The following TBC1D5 variants were observed in gnomAD, a reference collection of about 807,000 sequenced individuals.
The protein encoded by TBC1D5 is TBC1 domain family, member 5.
Under a neutral mutation model 100.3 loss-of-function variants are expected in TBC1D5, and 75 were observed. That is an observed-to-expected ratio of 0.75 (90% CI 0.62 to 0.91). TBC1D5 has a LOEUF of 0.91. Ranked by LOEUF, TBC1D5 falls within the 40% of genes least tolerant of loss-of-function variation. The probability of loss-of-function intolerance (pLI) is 0.00; values close to 1 mark genes in which losing one functional copy is unlikely to be tolerated. For synonymous variants in TBC1D5, 323 were observed against 325.6 expected (o/e 0.99, Z 0.09); for missense variants, 910 against 942.4 (o/e 0.97, Z 0.45).
chr3:17,163,898 C>T (rs73819653), intron 21 of TBC1D5, among the ~76,000 whole-genome samples: 50 of 152,108 alleles, frequency 3.3e-4, no homozygotes, highest in African/African-American at 1.0e-3. Flanking sequence ...AGACAATATG[C>T]GGATTAAAAC....
At chr3:17,406,481 T>G in exon 5 of TBC1D5, 4 of 1,612,216 alleles carry the variant, frequency 2.5e-6, no homozygotes, top group Non-Finnish European at 3.4e-6. Flanking sequence ...TCTGCCTTAT[T>G]GTTGCCAAGT....
chr3:17,587,867 TAC>T (rs2096742193), intron 2 of TBC1D5, among the ~76,000 whole-genome samples: 1 of 151,988 alleles, frequency 6.6e-6, no homozygotes, highest in Non-Finnish European at 1.5e-5. Flanking sequence ...TTTGTAAAAA[TAC>T]AGACCATTTT....
intron 19 of TBC1D5, among the ~76,000 whole-genome samples, chr3:17,168,754 A>C (rs1473302400): frequency 1.3e-5 from 2 of 152,024 alleles, no homozygotes; most frequent in African/African-American, 4.8e-5. Context: ...GAGTATGTTC[A>C]CCCTCCATTA....
chr3:17,300,352 T>C (rs183482926), intron 14 of TBC1D5, among the ~76,000 whole-genome samples: 50 of 152,330 alleles, frequency 3.3e-4, no homozygotes. Context: ...AGCAATGCTT[T>C]TCCAGAAAAG....
At chr3:17,272,596 G>T (rs761668770) in intron 15 of TBC1D5, among the ~76,000 whole-genome samples, 41 of 152,108 alleles carry the variant, frequency 2.7e-4, no homozygotes, top group African/African-American at 6.0e-4. Flanking sequence ...CATTTTATAG[G>T]TAAAGAAAGA....
chr3:17,214,436 GTT>G (rs753816135), intron 17 of TBC1D5, 66 bp from the exon 19 acceptor site: 19 of 1,497,326 alleles, frequency 1.3e-5, no homozygotes, highest in Non-Finnish European at 1.7e-5. Context: ...TCGATCTACT[GTT>G]TTTAATAAAT....
intron 2 of TBC1D5, among the ~76,000 whole-genome samples, chr3:17,573,724 C>T (rs751149364): frequency 2.6e-5 from 4 of 151,956 alleles, no homozygotes; most frequent in Non-Finnish European, 4.4e-5. Flanking sequence ...CATATACATT[C>T]GGCCTGCACA....
rs1023952741 is a variant in TBC1D5, at chr3:17,500,971, G to T, written c.97+7503C>A. Among the ~76,000 whole-genome samples, 3 of 149,194 alleles carry T rather than the reference G, an allele frequency of 2.0e-5. 1 individual carries two copies. Among genetic ancestry groups the T allele is most frequent in the African/African-American group, 7.7e-5 (3 of 39,206 alleles). ...AGGCTTGGCATGTTCTTTGCTCTCG[G>T]ATGTCACTTTGTCCTACTGTCATAC... On this transcript the variant is annotated intron_variant, in intron 3 of 21. Coordinates refer to ENST00000253692, the Ensembl canonical transcript of TBC1D5.
At chr3:17,354,322 T>C (rs1276791485) in intron 13 of TBC1D5, among the ~76,000 whole-genome samples, 1 of 152,164 alleles carries the variant, frequency 6.6e-6, no homozygotes, top group Non-Finnish European at 1.5e-5. Context: ...AAACCTCTCC[T>C]TCTGATAGAC....
At chr3:17,306,402 C>T (rs1447937403) in intron 14 of TBC1D5, among the ~76,000 whole-genome samples, 1 of 152,148 alleles carries the variant, frequency 6.6e-6, no homozygotes, top group East Asian at 1.9e-4. Context: ...GAGATCTCAT[C>T]CACTGTTACA....
intron 2 of TBC1D5, among the ~76,000 whole-genome samples, chr3:17,612,105 G>C (rs1038423283): frequency 2.6e-5 from 4 of 151,988 alleles, no homozygotes; most frequent in Non-Finnish European, 5.9e-5. Context: ...TAGGAGACCA[G>C]CCTGGGTAAC....
chr3:17,360,504 A>C (rs2091605372), intron 13 of TBC1D5, among the ~76,000 whole-genome samples: 1 of 151,982 alleles, frequency 6.6e-6, no homozygotes, highest in African/African-American at 2.4e-5. Context: ...GCTGAGGTGA[A>C]GGTATGTTCT....
intron 2 of TBC1D5, among the ~76,000 whole-genome samples, chr3:17,623,169 A>T (rs1264296484): frequency 6.6e-6 from 1 of 152,220 alleles, no homozygotes; most frequent in African/African-American, 2.4e-5. Context: ...TTTAATATTC[A>T]TATGAATGAC....
chr3:17,545,693 T>C (rs1213471113), intron 2 of TBC1D5, among the ~76,000 whole-genome samples: 1 of 152,134 alleles, frequency 6.6e-6, no homozygotes, highest in African/African-American at 2.4e-5. Context: ...GACACAACAT[T>C]CAATGGGTCA....
intron 2 of TBC1D5, among the ~76,000 whole-genome samples, chr3:17,599,536 A>T (rs533286435): frequency 6.6e-6 from 1 of 152,036 alleles, no homozygotes; most frequent in African/African-American, 2.4e-5. Context: ...AGTCCATATG[A>T]CTTGATTCTT....
chr3:17,680,380 C>T (rs2069287206), intron 1 of TBC1D5, among the ~76,000 whole-genome samples: 1 of 150,838 alleles, frequency 6.6e-6, no homozygotes, highest in African/African-American at 2.5e-5. Flanking sequence ...ACCACCATAT[C>T]TGGCTGATTT....
intron 2 of TBC1D5, among the ~76,000 whole-genome samples, chr3:17,615,564 G>T (rs925560359): frequency 6.6e-6 from 1 of 152,012 alleles, no homozygotes; most frequent in Non-Finnish European, 1.5e-5. Context: ...CAATTTCAGA[G>T]CCTGTTATTG....
At chr3:17,524,468 G>A (rs567042140) in intron 2 of TBC1D5, 1 of 152,280 alleles carries the variant, frequency 6.6e-6, no homozygotes, top group South Asian at 2.1e-4. Context: ...GAAGTTGATT[G>A]TAATAGTGAA....
In TBC1D5 at chr3:17,472,992, G is replaced by A. The variant is rs143448225; in HGVS notation, c.97+35482C>T. 5.3e-5 allele frequency among the ~76,000 whole-genome samples: 8 copies of A among 152,242 alleles called. No homozygotes were observed. The East Asian group carries it at 1.5e-3, about 29-fold the overall frequency. On this transcript the variant is annotated intron_variant, in intron 3 of 21. Coordinates refer to ENST00000253692, the Ensembl canonical transcript of TBC1D5. ...CATGCAATCCTTGAAATACAATGAA[G>A]AGAAAATATATCACAAAGTACTGAT... is the stretch of plus-strand genomic sequence containing the variant.
Sources: gnomAD v4.1 joint callset for allele counts (sites outside exome capture counted in the v4.1 genomes callset) on GRCh38, gnomAD v4.1.1 for gene constraint, MANE v1.5 for transcripts, NCBI Gene and HGNC (gene_info 2026-07-23, HGNC 2026-07-21) for gene names.